HDAC9: variants seen among roughly 807,000 people sequenced by gnomAD.
The protein encoded by HDAC9 is MEF-2 interacting transcription repressor (MITR) protein.
A neutral mutation model predicts 139.4 loss-of-function variants in HDAC9; 41 were observed. The ratio of observed to expected loss-of-function variants is 0.29; its 90% CI spans 0.23 to 0.38. The LOEUF (loss-of-function observed/expected upper bound fraction) is 0.38, where lower values mean the gene tolerates loss of function less well. HDAC9 is among the 10% of genes least tolerant of loss of function. The pLI, the probability that HDAC9 is intolerant of heterozygous loss-of-function variation, is 1.00. For synonymous variants in HDAC9, 517 were observed against 476.2 expected (o/e 1.09, Z -1.12); for missense variants, 1,147 against 1,297.0 (o/e 0.88, Z 1.78).
At chr7:18,786,004 A>G (rs1202746881) in intron 16 of HDAC9, among the ~76,000 whole-genome samples, 1 of 152,220 alleles carries the variant, frequency 6.6e-6, no homozygotes, top group African/African-American at 2.4e-5. Flanking sequence ...CTAAATAAAA[A>G]GAAAATAACT....
At chr7:18,739,080 G>T (rs1787199562) in intron 13 of HDAC9, among the ~76,000 whole-genome samples, 2 of 152,152 alleles carry the variant, frequency 1.3e-5, no homozygotes, top group African/African-American at 4.8e-5. Flanking sequence ...CATGTGTCAT[G>T]AAATTCTTGT....
chr7:18,803,463 A>C (rs530733707), intron 17 of HDAC9, among the ~76,000 whole-genome samples: 1 of 151,972 alleles, frequency 6.6e-6, no homozygotes, highest in African/African-American at 2.4e-5. Context: ...CTTCCAGGAC[A>C]TTTTTTCGGA....
intron 1 of HDAC9, among the ~76,000 whole-genome samples, chr7:18,124,339 T>A (rs1784531912): frequency 6.6e-6 from 1 of 152,220 alleles, no homozygotes; most frequent in Non-Finnish European, 1.5e-5. Flanking sequence ...TCCAAGTGGC[T>A]GTGTGATCTT....
At chr7:18,945,995 C>G (rs150514847) in intron 23 of HDAC9, among the ~76,000 whole-genome samples, 1 of 125,602 alleles carries the variant, frequency 8.0e-6, no homozygotes, top group East Asian at 2.6e-4. Flanking sequence ...CGAGATAGCA[C>G]CACTGCACTC....
At chr7:18,248,615 A>G (rs1016421105) in intron 2 of HDAC9, among the ~76,000 whole-genome samples, 1 of 152,196 alleles carries the variant, frequency 6.6e-6, no homozygotes, top group Admixed American at 6.5e-5. Context: ...TTGTTTTACA[A>G]TTTCCGAATG....
At chr7:18,321,412 G>T (rs1181282091) in intron 1 of HDAC9, among the ~76,000 whole-genome samples, 1 of 152,144 alleles carries the variant, frequency 6.6e-6, no homozygotes, top group African/African-American at 2.4e-5. Context: ...AAAAAGGTGA[G>T]CTAGAGAATG....
At chr7:18,700,814 C>T (rs1281844178) in intron 12 of HDAC9, among the ~76,000 whole-genome samples, 1 of 152,170 alleles carries the variant, frequency 6.6e-6, no homozygotes, top group South Asian at 2.1e-4. Context: ...CAAGTGCTCC[C>T]AGTAGCCAGA....
chr7:18,974,462 G>A (rs1250025439), intron 24 of HDAC9, among the ~76,000 whole-genome samples: 1 of 152,156 alleles, frequency 6.6e-6, no homozygotes, highest in African/African-American at 2.4e-5. Context: ...TGGTGTTAGG[G>A]AAGCATCTTT....
chr7:18,683,705 C>T (rs1303036598), intron 12 of HDAC9, among the ~76,000 whole-genome samples: 1 of 152,030 alleles, frequency 6.6e-6, no homozygotes, highest in African/African-American at 2.4e-5. Context: ...TGTATTTTTT[C>T]ACTCAAAATG....
At chr7:18,513,964 T>C (rs1802391375) in intron 2 of HDAC9, among the ~76,000 whole-genome samples, 2 of 152,242 alleles carry the variant, frequency 1.3e-5, no homozygotes, top group Non-Finnish European at 2.9e-5. Context: ...TAAACGTTAT[T>C]GCTTATTTTG....
chr7:18,839,612 C>T (rs10486310), intron 21 of HDAC9, among the ~76,000 whole-genome samples: 2,576 of 152,086 alleles, frequency 0.017, 88 homozygotes, highest in African/African-American at 0.059. Flanking sequence ...AGGTATTAAG[C>T]GAACCTAGCA....
At chr7:18,835,747 A>G (rs1251610146) in intron 20 of HDAC9, 153 bp from the exon 21 acceptor site, 8 of 1,060,998 alleles carry the variant, frequency 7.5e-6, no homozygotes, top group Non-Finnish European at 1.1e-5. Flanking sequence ...CAAGTGCATA[A>G]CCCAGAGCAC....
chr7:18,658,899 C>CAAAAAAAAAAAAAAAA (rs11306117), intron 11 of HDAC9, among the ~76,000 whole-genome samples: 3 of 118,146 alleles, frequency 2.5e-5, no homozygotes, highest in Admixed American at 8.2e-5. Flanking sequence ...AAAAAAAAAG[C>CAAAAAAAAAAAAAAAA]AAAAAAAAAA....
intron 1 of HDAC9, among the ~76,000 whole-genome samples, chr7:18,363,706 A>G (rs1783959522): frequency 6.6e-6 from 1 of 152,148 alleles, no homozygotes; most frequent in Non-Finnish European, 1.5e-5. Flanking sequence ...AATTAGAGAA[A>G]GCCAATGGGC....
At chr7:18,574,680 T>C (rs1303315718) in intron 2 of HDAC9, among the ~76,000 whole-genome samples, 1 of 152,228 alleles carries the variant, frequency 6.6e-6, no homozygotes, top group Non-Finnish European at 1.5e-5. Flanking sequence ...TCATGCTCTT[T>C]GGTGCCCAAG....
chr7:18,373,981 G>C (rs1420392782), intron 1 of HDAC9, among the ~76,000 whole-genome samples: 2 of 151,760 alleles, frequency 1.3e-5, no homozygotes, highest in East Asian at 3.9e-4. Flanking sequence ...TATTGATACT[G>C]TAAAAAATGT....
In HDAC9 at chr7:18,692,627, A is replaced by G. The variant is rs531774312; in HGVS notation, c.1731+26151A>G. ...TGGGGTTTCTTGTTAATTTCTGTTT[A>G]AAGAGATTTTGTGGGCCACGCAAAC... On this transcript the variant is annotated intron_variant, in intron 12 of 25. Coordinates refer to ENST00000686413, the MANE Select transcript of HDAC9 (RefSeq NM_178425.4). Among the ~76,000 whole-genome samples the G allele has an allele frequency of 3.9e-4, 59 of 152,234 alleles. 1 individual carries two copies. The highest frequency in any genetic ancestry group is 3.7e-3 in the Admixed American group (56 of 15,262).
At chr7:18,623,499 A>G (rs888303465) in intron 6 of HDAC9, among the ~76,000 whole-genome samples, 4 of 152,126 alleles carry the variant, frequency 2.6e-5, no homozygotes, top group African/African-American at 9.7e-5. Flanking sequence ...TTCAACATCT[A>G]TGTAATGAAC....
At chr7:18,432,770 AC>A (rs1302401561) in intron 1 of HDAC9, among the ~76,000 whole-genome samples, 3 of 152,026 alleles carry the variant, frequency 2.0e-5, no homozygotes, top group African/African-American at 7.2e-5. Context: ...ACATGGTGAA[AC>A]CCCGTCTCTA....
Sources: allele counts gnomAD v4.1 joint callset (sites outside exome capture counted in the v4.1 genomes callset), GRCh38; gene constraint gnomAD v4.1.1; transcripts MANE v1.5; gene names NCBI Gene and HGNC (gene_info 2026-07-23, HGNC 2026-07-21).